Variants in FBXL7 observed in about 807,000 individuals in gnomAD.
The protein encoded by FBXL7 is F-box and leucine rich repeat protein 7.
In FBXL7, 12 loss-of-function variants were observed where a neutral mutation model predicts 38.3. That is an observed-to-expected ratio of 0.31 (90% CI 0.20 to 0.51). FBXL7 has a LOEUF of 0.51. Ranked by LOEUF, FBXL7 falls within the 20% of genes least tolerant of loss-of-function variation. The pLI is 0.98. For missense variants in FBXL7, 567 were observed against 676.4 expected (o/e 0.84, Z 1.79); for synonymous variants, 297 against 300.9 (o/e 0.99, Z 0.13).
intron 1 of FBXL7, among the ~76,000 whole-genome samples, chr5:15,585,275 A>G (rs1739267696): frequency 6.6e-6 from 1 of 152,182 alleles, no homozygotes; most frequent in African/African-American, 2.4e-5. Context: ...CCTAATTGTA[A>G]TGCATGGTTA....
chr5:15,565,210 T>C (rs922099491), intron 1 of FBXL7, among the ~76,000 whole-genome samples: 15 of 152,094 alleles, frequency 9.9e-5, no homozygotes, highest in African/African-American at 3.6e-4. Flanking sequence ...AAAAAGTTTG[T>C]CAAGTCTCCA....
At chr5:15,550,377 T>C (rs1042891673) in intron 1 of FBXL7, among the ~76,000 whole-genome samples, 2 of 152,068 alleles carry the variant, frequency 1.3e-5, no homozygotes, top group Non-Finnish European at 2.9e-5. Context: ...GTAGCTGAGA[T>C]GGTGTGATGG....
chr5:15,539,304 T>G (rs964122677), intron 1 of FBXL7, among the ~76,000 whole-genome samples: 1 of 152,208 alleles, frequency 6.6e-6, no homozygotes, highest in Non-Finnish European at 1.5e-5. Context: ...GCACATCTTT[T>G]AAAATGGGAC....
chr5:15,936,656 C>G lies in FBXL7; in HGVS notation c.946C>G (p.Leu316Val). Residue 316 changes from leucine to valine, a missense_variant, in exon 4 of 4, where the codon CTG becomes GTG. Coordinates refer to ENST00000504595, the MANE Select transcript of FBXL7 (RefSeq NM_012304.5). The surrounding 1 kb of genome is among the most constrained non-coding windows in gnomAD (Gnocchi z 6.0). ...CTGCGTCCGCCTGACCGACGAAGGC[C>G]TGCGCTACCTGGTGATCTACTGCGC... ...RRCVRLTDEG[L>V]RYLVIYCASI... 1 of 1,608,472 alleles carries G rather than the reference C, an allele frequency of 6.2e-7. No homozygotes were observed. Among genetic ancestry groups the G allele is most frequent in the Non-Finnish European group, 8.5e-7 (1 of 1,179,732 alleles).
intron 2 of FBXL7, among the ~76,000 whole-genome samples, chr5:15,906,404 A>G (rs893851855): frequency 2.7e-5 from 4 of 148,880 alleles, no homozygotes; most frequent in African/African-American, 4.9e-5. Flanking sequence ...TCCCCATTCT[A>G]TAGAGCTATT....
At chr5:15,703,685 TGAAGGCTG>T (rs1378599590) in intron 2 of FBXL7, among the ~76,000 whole-genome samples, 1 of 152,106 alleles carries the variant, frequency 6.6e-6, no homozygotes, top group East Asian at 1.9e-4. Context: ...TTTGGTAGAG[TGAAGGCTG>T]GAAGCTAGAT....
intron 2 of FBXL7, among the ~76,000 whole-genome samples, chr5:15,643,770 G>A (rs1304657498): frequency 6.6e-6 from 1 of 152,130 alleles, no homozygotes; most frequent in Non-Finnish European, 1.5e-5. Flanking sequence ...AGTGCTTTGG[G>A]AACATTGGAA....
chr5:15,787,028 GT>G (rs1443955396), intron 2 of FBXL7, among the ~76,000 whole-genome samples: 7 of 152,198 alleles, frequency 4.6e-5, no homozygotes, highest in African/African-American at 1.7e-4. Context: ...AGAGATCAGA[GT>G]GATGCAGCCA....
chr5:15,667,045 T>C (rs1742305783), intron 2 of FBXL7, among the ~76,000 whole-genome samples: 1 of 152,180 alleles, frequency 6.6e-6, no homozygotes, highest in Non-Finnish European at 1.5e-5. Context: ...TTCCTGTACT[T>C]TAACTTTTTA....
chr5:15,757,807 C>T (rs1314037480), intron 2 of FBXL7, among the ~76,000 whole-genome samples: 1 of 152,120 alleles, frequency 6.6e-6, no homozygotes, highest in Admixed American at 6.6e-5. Flanking sequence ...TCTCAAAGGG[C>T]TGAAGGATGC....
intron 2 of FBXL7, among the ~76,000 whole-genome samples, chr5:15,687,528 A>G (rs1320652009): frequency 1.3e-5 from 2 of 152,228 alleles, no homozygotes; most frequent in African/African-American, 2.4e-5. Context: ...GTGGATAATG[A>G]TCATTTCATA....
intron 2 of FBXL7, among the ~76,000 whole-genome samples, chr5:15,895,006 G>A (rs1011980201): frequency 3.9e-5 from 6 of 152,082 alleles, no homozygotes; most frequent in African/African-American, 1.4e-4. Flanking sequence ...TTCAGGTATT[G>A]ACTCATTAAT....
intron 1 of FBXL7, among the ~76,000 whole-genome samples, chr5:15,533,808 A>G (rs1737498940): frequency 6.6e-6 from 1 of 152,156 alleles, no homozygotes; most frequent in African/African-American, 2.4e-5. Flanking sequence ...AGGGAGGATT[A>G]GGGTTTTTTC....
chr5:15,563,259 A>T (rs1001852085), intron 1 of FBXL7, among the ~76,000 whole-genome samples: 3 of 152,184 alleles, frequency 2.0e-5, no homozygotes, highest in African/African-American at 7.2e-5. Flanking sequence ...TTGGGCTAAC[A>T]CTTGCTTGAG....
At chr5:15,655,224 G>T (rs1032453034) in intron 2 of FBXL7, among the ~76,000 whole-genome samples, 1 of 152,118 alleles carries the variant, frequency 6.6e-6, no homozygotes, top group Non-Finnish European at 1.5e-5. Context: ...GGCTGGGTGC[G>T]GTGGCTCACG....
intron 1 of FBXL7, among the ~76,000 whole-genome samples, chr5:15,518,208 C>T (rs1561012603): frequency 6.6e-6 from 1 of 152,072 alleles, no homozygotes; most frequent in African/African-American, 2.4e-5. Context: ...CCAGGCTAGT[C>T]TCGAACTCTT....
intron 2 of FBXL7, among the ~76,000 whole-genome samples, chr5:15,640,136 A>G (rs1741311777): frequency 1.3e-5 from 2 of 152,160 alleles, no homozygotes; most frequent in Non-Finnish European, 2.9e-5. Context: ...GTATAATACC[A>G]CACGTTGGGT....
intron 1 of FBXL7, among the ~76,000 whole-genome samples, chr5:15,523,669 G>A (rs368865732): frequency 6.6e-6 from 1 of 152,156 alleles, no homozygotes; most frequent in Non-Finnish European, 1.5e-5. Context: ...TTCTTGGCCT[G>A]TTACCGTCCG....
At chr5:15,733,954 A>G (rs1418026101) in intron 2 of FBXL7, among the ~76,000 whole-genome samples, 3 of 152,098 alleles carry the variant, frequency 2.0e-5, no homozygotes, top group Non-Finnish European at 2.9e-5. Flanking sequence ...TAAAAATACA[A>G]AAATTACCTG....
Sources: gnomAD v4.1 joint callset for allele counts (sites outside exome capture counted in the v4.1 genomes callset) on GRCh38, gnomAD v4.1.1 for gene constraint, Gnocchi (gnomAD v3.1) non-coding constraint, MANE v1.5 for transcripts, NCBI Gene and HGNC (gene_info 2026-07-23, HGNC 2026-07-21) for gene names.